GRM7: variants seen among roughly 807,000 people sequenced by gnomAD.
The protein encoded by GRM7 is glutamate metabotropic receptor 7, also known as metabotropic glutamate receptor 7.
Under a neutral mutation model 84.5 loss-of-function variants are expected in GRM7, and 35 were observed. That is an observed-to-expected ratio of 0.41 (90% CI 0.32 to 0.55). The LOEUF (loss-of-function observed/expected upper bound fraction) is 0.55, where lower values mean the gene tolerates loss of function less well. Ranked by LOEUF, GRM7 falls within the 20% of genes least tolerant of loss-of-function variation. The probability of loss-of-function intolerance (pLI) is 0.19; values close to 1 mark genes in which losing one functional copy is unlikely to be tolerated. For synonymous variants in GRM7, 487 were observed against 455.1 expected (o/e 1.07, Z -0.89); for missense variants, 1,003 against 1,194.6 (o/e 0.84, Z 2.36).
intron 1 of GRM7, among the ~76,000 whole-genome samples, chr3:6,951,342 T>C (rs961412440): frequency 4.7e-4 from 72 of 152,312 alleles, no homozygotes; most frequent in African/African-American, 1.6e-3. Flanking sequence ...TAGTTTTCTC[T>C]TTTTATTCTG....
intron 1 of GRM7, among the ~76,000 whole-genome samples, chr3:6,891,826 G>T (rs1219416700): frequency 6.6e-6 from 1 of 152,184 alleles, no homozygotes; most frequent in South Asian, 2.1e-4. Flanking sequence ...CCTGCAGAGT[G>T]TTTTCCAACT....
At position 7,375,214 on chromosome 3, in the gene GRM7, C is replaced by CCT. The variant is rs1553572613; in HGVS notation, c.1034-39809_1034-39808insCT. ...AAACTGGCTCTCATTTAAACATCCC[C>CCT]TTTTTTTTTTTTTTTTTTTTTGAGA... On this transcript the variant is annotated intron_variant, in intron 4 of 9. Transcript: ENST00000357716. Among the ~76,000 whole-genome samples the CCT allele has an allele frequency of 8.2e-3, 1,091 of 132,910 alleles. 14 individuals are homozygous for CCT. Among genetic ancestry groups the CCT allele is most frequent in the African/African-American group, 0.025 (857 of 34,644 alleles). 87.2% of individuals were successfully genotyped at this position (132,910 alleles called of 152,430 possible). A position where few individuals can be genotyped will look rare whatever the true frequency, so the allele number is the denominator to read the frequency against.
At chr3:7,397,331 C>A (rs1695250913) in intron 4 of GRM7, among the ~76,000 whole-genome samples, 1 of 152,012 alleles carries the variant, frequency 6.6e-6, no homozygotes, top group African/African-American at 2.4e-5. Flanking sequence ...GAAGAAAGTT[C>A]TGTAATTCAA....
At chr3:7,155,519 A>T (rs1478187088) in intron 2 of GRM7, among the ~76,000 whole-genome samples, 3 of 152,124 alleles carry the variant, frequency 2.0e-5, no homozygotes, top group Admixed American at 1.3e-4. Flanking sequence ...AAAAACAAGT[A>T]GATACTCCAA....
chr3:7,676,014 C>T (rs918617636), intron 8 of GRM7, among the ~76,000 whole-genome samples: 3 of 151,096 alleles, frequency 2.0e-5, no homozygotes, highest in East Asian at 1.9e-4. Flanking sequence ...TTTTTTTTGT[C>T]GCCCAGGCTG....
intron 1 of GRM7, among the ~76,000 whole-genome samples, chr3:6,966,810 GT>G (rs1436388548): frequency 1.3e-5 from 2 of 152,128 alleles, no homozygotes; most frequent in African/African-American, 4.8e-5. Flanking sequence ...CCCAGATGTG[GT>G]GGTAAGAGCA....
intron 1 of GRM7, among the ~76,000 whole-genome samples, chr3:6,901,570 C>A (rs1696383047): frequency 7.8e-6 from 1 of 127,506 alleles, no homozygotes; most frequent in Admixed American, 1.0e-4. Flanking sequence ...TGCACTCCAG[C>A]CTGGCCAGCC....
intron 7 of GRM7, among the ~76,000 whole-genome samples, chr3:7,575,879 T>C (rs1694938948): frequency 6.6e-6 from 1 of 152,216 alleles, no homozygotes; most frequent in South Asian, 2.1e-4. Context: ...CTGGGCAGCA[T>C]TGCCAGGTAT....
At chr3:7,504,101 G>A (rs1316512463) in intron 7 of GRM7, among the ~76,000 whole-genome samples, 2 of 152,164 alleles carry the variant, frequency 1.3e-5, no homozygotes, top group Non-Finnish European at 2.9e-5. Flanking sequence ...ATGAAAAAAA[G>A]TTGAGACTCA....
chr3:7,419,356 A>G (rs1215190544), intron 5 of GRM7, among the ~76,000 whole-genome samples: 1 of 152,170 alleles, frequency 6.6e-6, no homozygotes, highest in Non-Finnish European at 1.5e-5. Context: ...AGGCCCAGTG[A>G]CATTTGGACA....
intron 4 of GRM7, among the ~76,000 whole-genome samples, chr3:7,391,345 G>A (rs1694985417): frequency 1.3e-5 from 2 of 152,278 alleles, no homozygotes; most frequent in South Asian, 2.1e-4. Context: ...TTAAGAAAAT[G>A]TGGCACATAC....
chr3:7,592,777 A>G (rs1168937227), intron 8 of GRM7, among the ~76,000 whole-genome samples: 2 of 152,218 alleles, frequency 1.3e-5, no homozygotes, highest in African/African-American at 4.8e-5. Context: ...CAGTTTCTTC[A>G]GGAAATATAT....
chr3:7,166,142 C>T (rs1179411980), intron 2 of GRM7, among the ~76,000 whole-genome samples: 1 of 152,156 alleles, frequency 6.6e-6, no homozygotes, highest in Admixed American at 6.5e-5. Flanking sequence ...AACTAATAGT[C>T]TCTCCTCTTT....
At chr3:7,230,751 A>G (rs1697167614) in intron 2 of GRM7, among the ~76,000 whole-genome samples, 1 of 152,170 alleles carries the variant, frequency 6.6e-6, no homozygotes, top group South Asian at 2.1e-4. Context: ...TTAAAATCTG[A>G]TGTGTTAGGA....
In GRM7 at chr3:7,691,035, G is replaced by A. The variant is rs1376712897; in HGVS notation, c.2698+10740G>A. The stretch of plus-strand genomic sequence containing the variant: ...TCTACTAAAGATGTATCTCAACTTT[G>A]CAGATTTTTTTTTTTGGCTGTACAG... On this transcript the variant is annotated intron_variant, in intron 9 of 9. Transcript: ENST00000357716. The A allele has an allele frequency of 1.0e-5, 3 of 285,936 alleles. No homozygotes were observed. In the East Asian group the frequency reaches 3.1e-4, roughly 30 times the overall value. 17.7% of individuals were successfully genotyped at this position (285,936 alleles called of 1,614,324 possible).
chr3:7,499,357 C>T (rs889536157), intron 7 of GRM7, among the ~76,000 whole-genome samples: 10 of 152,250 alleles, frequency 6.6e-5, no homozygotes, highest in East Asian at 1.9e-4. Flanking sequence ...CAGTTTTAAA[C>T]GGAGATGGCA....
intron 4 of GRM7, among the ~76,000 whole-genome samples, chr3:7,405,751 G>A (rs1695647853): frequency 6.6e-6 from 1 of 151,936 alleles, no homozygotes; most frequent in African/African-American, 2.4e-5. Context: ...GTTTTATGTG[G>A]CATGTGTCTG....
At chr3:7,163,198 C>G (rs1264455131) in intron 2 of GRM7, among the ~76,000 whole-genome samples, 6 of 152,138 alleles carry the variant, frequency 3.9e-5, no homozygotes, top group African/African-American at 1.4e-4. Flanking sequence ...GAGCTGTTGT[C>G]TAGAGCCAGA....
At chr3:7,510,490 G>A (rs1352365060) in intron 7 of GRM7, among the ~76,000 whole-genome samples, 2 of 152,118 alleles carry the variant, frequency 1.3e-5, no homozygotes, top group East Asian at 3.9e-4. Context: ...AACAAATAAG[G>A]AATGAATAGT....
Sources: allele counts gnomAD v4.1 joint callset (sites outside exome capture counted in the v4.1 genomes callset), GRCh38; gene constraint gnomAD v4.1.1; transcripts MANE v1.5; gene names NCBI Gene and HGNC (gene_info 2026-07-23, HGNC 2026-07-21).